Variants in ROBO2 observed in about 807,000 individuals in gnomAD.
ROBO2 encodes roundabout guidance receptor 2, also known as roundabout homolog 2.
Under a neutral mutation model 160.8 loss-of-function variants are expected in ROBO2, and 53 were observed. The ratio of observed to expected loss-of-function variants is 0.33; its 90% CI spans 0.26 to 0.41. ROBO2 has a LOEUF of 0.41. ROBO2 is among the 10% of genes least tolerant of loss of function. The pLI is 1.00. For missense variants in ROBO2, 1,577 were observed against 1,722.4 expected, an observed-to-expected ratio of 0.92 and a Z score of 1.49; for synonymous variants, 664 against 611.7, an observed-to-expected ratio of 1.09 and a Z score of -1.26.
At chr3:77,475,488 T>C (rs2083891439) in intron 2 of ROBO2, among the ~76,000 whole-genome samples, 1 of 152,190 alleles carries the variant, frequency 6.6e-6, no homozygotes, top group African/African-American at 2.4e-5. Flanking sequence ...TGCAATGGTA[T>C]TAGGTACTAC....
chr3:76,667,308 T>G (rs1455778473), intron 2 of ROBO2, among the ~76,000 whole-genome samples: 1 of 152,188 alleles, frequency 6.6e-6, no homozygotes, highest in African/African-American at 2.4e-5. Context: ...ACTAAAATAT[T>G]CCATACACCC....
At chr3:76,111,582 G>C (rs1300561394) in intron 2 of ROBO2, among the ~76,000 whole-genome samples, 1 of 151,928 alleles carries the variant, frequency 6.6e-6, no homozygotes, top group Non-Finnish European at 1.5e-5. Context: ...TGCCCATTAC[G>C]ATTACACAGG....
Position 77,433,486 on chromosome 3 carries a change from G to GTATATATATATATATATATATATATATA in ROBO2, c.389-43922_389-43895dup, listed in dbSNP as rs57475227. On this transcript the variant is annotated intron_variant, in intron 2 of 25. Coordinates refer to ENST00000461745, the Ensembl canonical transcript of ROBO2. ...GATTTTCCTTCTTCTCTGGCAACTT[G>GTATATATATATATATATATATATATATA]TATATATATATATATATATATATAT... Among the ~76,000 whole-genome samples, 81 of 99,384 alleles carry GTATATATATATATATATATATATATATA rather than the reference G, an allele frequency of 8.2e-4. 3 individuals are homozygous for GTATATATATATATATATATATATATATA. Among genetic ancestry groups the GTATATATATATATATATATATATATATA allele is most frequent in the African/African-American group, 2.3e-3 (66 of 28,352 alleles). The allele number at this position is 99,384 out of a possible 152,430, so 65.2% of individuals were successfully genotyped here.
At chr3:76,321,291 C>T (rs561200350) in intron 2 of ROBO2, among the ~76,000 whole-genome samples, 30 of 152,050 alleles carry the variant, frequency 2.0e-4, no homozygotes, top group African/African-American at 6.5e-4. Flanking sequence ...CCGAGGTGGG[C>T]GGATCACGAG....
chr3:76,280,768 A>G (rs897494037), intron 2 of ROBO2, among the ~76,000 whole-genome samples: 8 of 152,006 alleles, frequency 5.3e-5, no homozygotes, highest in Admixed American at 1.3e-4. Context: ...GGGCTCTTGT[A>G]TTTACTTTGA....
At chr3:76,504,766 G>C (rs1293959411) in intron 2 of ROBO2, among the ~76,000 whole-genome samples, 1 of 151,966 alleles carries the variant, frequency 6.6e-6, no homozygotes, top group East Asian at 1.9e-4. Flanking sequence ...CTGACCTCGT[G>C]AGCCACCCAC....
chr3:76,374,623 G>A (rs545176724), intron 2 of ROBO2, among the ~76,000 whole-genome samples: 15 of 151,964 alleles, frequency 9.9e-5, no homozygotes, highest in African/African-American at 2.9e-4. Flanking sequence ...TTAGCTTTAC[G>A]CCTTGTAAAT....
At chr3:77,346,344 G>A (rs932235305) in intron 2 of ROBO2, among the ~76,000 whole-genome samples, 3 of 152,014 alleles carry the variant, frequency 2.0e-5, no homozygotes, top group African/African-American at 7.2e-5. Flanking sequence ...TATTCCTCCA[G>A]TTGTACTAAT....
At position 77,543,368 on chromosome 3, in the gene ROBO2, C is replaced by T. The variant is rs76103976; in HGVS notation, c.935-2970C>T. Among the ~76,000 whole-genome samples, 4 of 152,268 alleles carry T rather than the reference C, an allele frequency of 2.6e-5. No homozygotes were observed. In the South Asian group the frequency reaches 6.2e-4, roughly 24 times the overall value. On this transcript the variant is annotated intron_variant, in intron 6 of 25. Coordinates refer to ENST00000461745, the Ensembl canonical transcript of ROBO2. The stretch of plus-strand genomic sequence containing the variant: ...CCAACCAGAATGTATCATCATTTTT[C>T]GTCAATCAGTACATTTTGTGTGAAT...
chr3:76,945,568 G>T (rs138279696), intron 2 of ROBO2, among the ~76,000 whole-genome samples: 1 of 152,278 alleles, frequency 6.6e-6, no homozygotes, highest in African/African-American at 2.4e-5. Context: ...TTAATGACAG[G>T]TGTATCAGGG....
chr3:76,161,179 A>G (rs914901224), intron 2 of ROBO2, among the ~76,000 whole-genome samples: 1 of 152,014 alleles, frequency 6.6e-6, no homozygotes, highest in Non-Finnish European at 1.5e-5. Context: ...TTAGTTAAAA[A>G]AAAAAATACA....
intron 1 of ROBO2, among the ~76,000 whole-genome samples, chr3:75,930,245 C>G (rs185371028): frequency 6.6e-6 from 1 of 152,136 alleles, no homozygotes; most frequent in African/African-American, 2.4e-5. Context: ...GGACATCACT[C>G]CTTGCCAGCT....
chr3:76,897,854 G>T (rs2074927692), intron 2 of ROBO2, among the ~76,000 whole-genome samples: 1 of 152,004 alleles, frequency 6.6e-6, no homozygotes, highest in Non-Finnish European at 1.5e-5. Context: ...ATAGCATGTT[G>T]TTGTATATTT....
chr3:76,130,014 A>T (rs1255501187), intron 2 of ROBO2, among the ~76,000 whole-genome samples: 1 of 152,112 alleles, frequency 6.6e-6, no homozygotes, highest in African/African-American at 2.4e-5. Flanking sequence ...ACTGCTCGTC[A>T]TTGGGGAATA....
intron 5 of ROBO2, among the ~76,000 whole-genome samples, chr3:77,496,994 C>A (rs1258398372): frequency 1.3e-5 from 2 of 152,046 alleles, no homozygotes; most frequent in Non-Finnish European, 2.9e-5. Flanking sequence ...AAAACATTTT[C>A]TGAAAAGATG....
chr3:76,393,247 TG>T (rs1469461700), intron 2 of ROBO2, among the ~76,000 whole-genome samples: 1 of 152,096 alleles, frequency 6.6e-6, no homozygotes, highest in East Asian at 1.9e-4. Context: ...GTAACCCAGG[TG>T]GTTTTGAAAT....
At chr3:76,493,364 T>TATATATATATATAA (rs1491215318) in intron 2 of ROBO2, among the ~76,000 whole-genome samples, 140 of 136,734 alleles carry the variant, frequency 1.0e-3, no homozygotes, top group African/African-American at 3.5e-3. Flanking sequence ...TATATATATA[T>TATATATATATATAA]AATTGTATAT....
chr3:76,586,082 G>A (rs2086019508), intron 2 of ROBO2, among the ~76,000 whole-genome samples: 1 of 152,134 alleles, frequency 6.6e-6, no homozygotes, highest in Admixed American at 6.6e-5. Context: ...TCATAGTGCT[G>A]CTTTAAAATA....
At chr3:77,445,554 A>T (rs565442076) in intron 2 of ROBO2, among the ~76,000 whole-genome samples, 4 of 152,166 alleles carry the variant, frequency 2.6e-5, no homozygotes, top group Admixed American at 6.6e-5. Flanking sequence ...AAAATAAAAA[A>T]GTTGACTCTT....
Sources: gnomAD v4.1 joint callset for allele counts (sites outside exome capture counted in the v4.1 genomes callset) on GRCh38, gnomAD v4.1.1 for gene constraint, MANE v1.5 for transcripts, NCBI Gene and HGNC (gene_info 2026-07-23, HGNC 2026-07-21) for gene names.